The following BYSL variants were observed in gnomAD, a reference collection of about 807,000 sequenced individuals.
BYSL encodes the protein bystin like.
A neutral mutation model predicts 45.4 loss-of-function variants in BYSL; 21 were observed. That is an observed-to-expected ratio of 0.46 (90% CI 0.33 to 0.67). BYSL has a LOEUF of 0.67. BYSL is among the 30% of genes least tolerant of loss of function. The pLI, the probability that BYSL is intolerant of heterozygous loss-of-function variation, is 0.02. For missense variants in BYSL, 522 were observed against 578.5 expected, an observed-to-expected ratio of 0.90 and a Z score of 1.00; for synonymous variants, 215 against 231.3, an observed-to-expected ratio of 0.93 and a Z score of 0.64.
In BYSL at chr6:41,931,791, G is replaced by C. The variant is rs1196828207; in HGVS notation, c.929G>C (p.Ser310Thr). Residue 310 changes from serine to threonine, a missense_variant, in exon 6 of 7, where the codon AGC (serine) becomes ACC (threonine). By Grantham distance (58) the Ser-to-Thr change is moderately conservative. Coordinates refer to ENST00000230340, the MANE Select transcript of BYSL (RefSeq NM_004053.4). Reference protein sequence around the residue: ...CTLREAIIVGSIITKCSIPVL... With the variant: ...CTLREAIIVGTIITKCSIPVL... ...CTCCGGGAAGCCATCATTGTGGGTA[G>C]CATCATCACCAAGTGCTCCATCCCT... is the stretch of plus-strand genomic sequence containing the variant. 2.5e-6 allele frequency: 4 copies of C among 1,614,168 alleles called. No individual in the cohort carries two copies. Among genetic ancestry groups the C allele is most frequent in the African/African-American group, 2.7e-5 (2 of 75,024 alleles).
chr6:41,927,229 G>C (rs1244687381), intron 1 of BYSL, 145 bp from the exon 2 acceptor site: 2 of 889,842 alleles, frequency 2.2e-6, no homozygotes, highest in Non-Finnish European at 3.3e-6. Context: ...TGGGGACAGG[G>C]AGCTAATGCA....
Position 41,921,791 on chromosome 6 carries a change from G to A in BYSL, c.229G>A (p.Asp77Asn). ...ACTCGAGGCCGAGCATGGGACTGGGGACAAGCCCGCGGCGCCGCGGGAACG... is the reference window on the plus strand; with the variant it reads ...ACTCGAGGCCGAGCATGGGACTGGGAACAAGCCCGCGGCGCCGCGGGAACG... Reference protein sequence around the residue: ...EELEAEHGTGDKPAAPRERTT... With the variant: ...EELEAEHGTGNKPAAPRERTT... The change falls in exon 1 of 7, where the codon GAC becomes AAC. Residue 77 changes from aspartate to asparagine, a missense_variant. By Grantham distance (23) the Asp-to-Asn change is conservative (BLOSUM62 1). Coordinates refer to ENST00000230340, the MANE Select transcript of BYSL (RefSeq NM_004053.4). 1.9e-6 allele frequency: 3 copies of A among 1,612,830 alleles called. No individual in the cohort carries two copies. Among genetic ancestry groups the A allele is most frequent in the Non-Finnish European group, 2.5e-6 (3 of 1,179,736 alleles).
At chr6:41,928,121 C>G (rs563203917) in intron 2 of BYSL, among the ~76,000 whole-genome samples, 7 of 152,288 alleles carry the variant, frequency 4.6e-5, no homozygotes, top group African/African-American at 1.4e-4. Flanking sequence ...GTCAGGACCA[C>G]TAATTTATTC....
the BYSL span, among the ~76,000 whole-genome samples, chr6:41,910,186 C>G: frequency 1.3e-5 from 2 of 152,210 alleles, no homozygotes; most frequent in Admixed American, 6.5e-5. Context: ...CAGCACACTA[C>G]AGCAGAGAGA....
the BYSL span, among the ~76,000 whole-genome samples, chr6:41,913,952 T>C: frequency 3.9e-4 from 59 of 152,316 alleles, no homozygotes; most frequent in Non-Finnish European, 7.6e-4. Flanking sequence ...TGTATTAACT[T>C]ACTTAGCACA....
upstream of BYSL, chr6:41,918,015 C>CA (rs368085087): frequency 0.034 from 7,595 of 225,634 alleles, 58 homozygotes; most frequent in South Asian, 0.057. Context: ...TGGAACAAAA[C>CA]AAAAAAAAAA....
upstream of BYSL, chr6:41,921,412 G>T: frequency 9.0e-7 from 1 of 1,111,316 alleles, no homozygotes. Context: ...AGTGGGAGGG[G>T]CGGCGCTGAT....
At chr6:41,930,837 T>C (rs563971424) in intron 4 of BYSL, 69 bp downstream of exon 4, 2 of 1,534,988 alleles carry the variant, frequency 1.3e-6, no homozygotes, top group Middle Eastern at 2.4e-4. Context: ...GGACAGGCTT[T>C]CCTTGCCTCT....
chr6:41,930,467 G>A (rs1259601832), intron 3 of BYSL, 168 bp from the exon 4 acceptor site: 1 of 1,217,024 alleles, frequency 8.2e-7, no homozygotes, highest in East Asian at 2.5e-5. Context: ...TCGGTTACTG[G>A]AACTCTCACT....
At chr6:41,927,276 A>G in intron 1 of BYSL, 98 bp from the exon 2 acceptor site, 1 of 1,429,904 alleles carries the variant, frequency 7.0e-7, no homozygotes, top group Admixed American at 2.0e-5. Context: ...TATCACAACC[A>G]CATGTGAGGC....
chr6:41,926,012 A>G (rs1490494482), intron 1 of BYSL, among the ~76,000 whole-genome samples: 1 of 152,172 alleles, frequency 6.6e-6, no homozygotes, highest in Non-Finnish European at 1.5e-5. Context: ...GGACTGGTGG[A>G]TTGAAATCTG....
intron 1 of BYSL, among the ~76,000 whole-genome samples, chr6:41,924,524 G>A (rs186761142): frequency 9.9e-4 from 150 of 152,270 alleles, no homozygotes; most frequent in South Asian, 2.7e-3. Flanking sequence ...TTTTGGTTTC[G>A]GTTGTTCGTG....
intron 2 of BYSL, among the ~76,000 whole-genome samples, chr6:41,928,593 C>A (rs1232763800): frequency 6.6e-6 from 1 of 152,156 alleles, no homozygotes; most frequent in Non-Finnish European, 1.5e-5. Flanking sequence ...TAGACAAGCT[C>A]CTTGAAGTAA....
chr6:41,930,609 G>A (rs1167717271), intron 3 of BYSL, 26 bp from the exon 4 acceptor site: 3 of 1,591,348 alleles, frequency 1.9e-6, no homozygotes, highest in South Asian at 2.3e-5. Context: ...GGATGACGAT[G>A]ATTGTTTTAC....
chr6:41,926,922 C>T (rs924841956), intron 1 of BYSL, among the ~76,000 whole-genome samples: 3 of 150,976 alleles, frequency 2.0e-5, no homozygotes, highest in African/African-American at 2.4e-5. Flanking sequence ...GGTGAAACCC[C>T]AACTCTACTA....
At chr6:41,915,825 T>C in the BYSL span, among the ~76,000 whole-genome samples, 5 of 116,734 alleles carry the variant, frequency 4.3e-5, no homozygotes, top group African/African-American at 1.9e-4. Flanking sequence ...TACAAAGAAA[T>C]TTTGGGTTGT....
rs1775661821 is a variant in BYSL at position 41,932,927 on chromosome 6, C to T, written c.*221C>T. ...CTTATCCCTGTTTAGTTCTGAGAGC[C>T]AACTTGAGATACCATATGCTAGCAT... On this transcript the variant is annotated 3_prime_UTR_variant, in exon 7 of 7. Transcript: ENST00000230340. The surrounding 1 kb of genome is among the most constrained non-coding windows in gnomAD (Gnocchi z 4.7). The T allele has an allele frequency of 1.8e-6, 1 of 550,528 alleles. No homozygotes were observed. Among genetic ancestry groups the T allele is most frequent in the Non-Finnish European group, 3.2e-6 (1 of 316,316 alleles). 34.1% of individuals were successfully genotyped at this position (550,528 alleles called of 1,614,324 possible).
chr6:41,915,239 G>C, the BYSL span, among the ~76,000 whole-genome samples: 1 of 152,044 alleles, frequency 6.6e-6, no homozygotes, highest in Non-Finnish European at 1.5e-5. Context: ...TTTGACACCA[G>C]CTACTTGAGA....
the BYSL span, among the ~76,000 whole-genome samples, chr6:41,916,423 T>C: frequency 1.3e-5 from 2 of 151,538 alleles, no homozygotes; most frequent in Non-Finnish European, 2.9e-5. Context: ...CTACCAAAAA[T>C]ACAAAATTAG....
Sources: gnomAD v4.1 joint callset for allele counts (sites outside exome capture counted in the v4.1 genomes callset) on GRCh38, gnomAD v4.1.1 for gene constraint, Gnocchi (gnomAD v3.1) non-coding constraint, MANE v1.5 for transcripts, NCBI Gene and HGNC (gene_info 2026-07-23, HGNC 2026-07-21) for gene names.